SIL1: variants seen among roughly 807,000 people sequenced by gnomAD.
SIL1 encodes SIL1 nucleotide exchange factor.
SIL1 carries 40 observed loss-of-function variants against 49.1 expected under a neutral mutation model. The ratio of observed to expected loss-of-function variants is 0.81; its 90% confidence interval spans 0.63 to 1.06. The LOEUF is 1.06. Among genes scored for constraint, SIL1 ranks in the 50% least tolerant of loss-of-function variants. The probability of loss-of-function intolerance (pLI) is 0.00; values close to 1 mark genes in which losing one functional copy is unlikely to be tolerated. For missense variants in SIL1, 500 were observed against 572.6 expected (o/e 0.87, Z 1.29); for synonymous variants, 253 against 250.8 (o/e 1.01, Z -0.08).
At chr5:139,132,680 T>C (rs1352016575) in intron 1 of SIL1, among the ~76,000 whole-genome samples, 7 of 152,152 alleles carry the variant, frequency 4.6e-5, no homozygotes, top group Admixed American at 4.6e-4. Context: ...AAGTACAAAC[T>C]ACAGCATGCA....
chr5:139,156,061 G>T (rs1259685740), intron 1 of SIL1, among the ~76,000 whole-genome samples: 2 of 152,236 alleles, frequency 1.3e-5, no homozygotes, highest in East Asian at 3.9e-4. Context: ...TTGAACTACT[G>T]CCAGGTCAAA....
At chr5:139,094,986 G>T (rs937192338) in intron 3 of SIL1, among the ~76,000 whole-genome samples, 3 of 151,934 alleles carry the variant, frequency 2.0e-5, no homozygotes, top group Non-Finnish European at 2.9e-5. Flanking sequence ...TGGGGTCGTT[G>T]GTTTTGAGGA....
chr5:138,964,588 C>A (rs147775426), intron 7 of SIL1, among the ~76,000 whole-genome samples: 1 of 152,208 alleles, frequency 6.6e-6, no homozygotes, highest in African/African-American at 2.4e-5. Context: ...CATTAAAAGG[C>A]CTTCTGCTGG....
intron 1 of SIL1, chr5:139,131,599 C>G (rs1490450225): frequency 6.6e-6 from 1 of 152,096 alleles, no homozygotes; most frequent in African/African-American, 2.4e-5. Context: ...TCTGCCAGCT[C>G]CCCCCCTCTT....
At chr5:139,022,351 G>A (rs1436090653) in intron 6 of SIL1, 1 of 152,210 alleles carries the variant, frequency 6.6e-6, no homozygotes, top group Non-Finnish European at 1.5e-5. Context: ...GAAATCAAGT[G>A]TGAGGATTGG....
At chr5:139,092,214 T>C (rs920224060) in intron 3 of SIL1, among the ~76,000 whole-genome samples, 2 of 152,176 alleles carry the variant, frequency 1.3e-5, no homozygotes, top group Admixed American at 6.5e-5. Flanking sequence ...CTTCTGTTTC[T>C]TCTACTTTCC....
At chr5:139,169,005 G>A (rs1033889570) in intron 1 of SIL1, among the ~76,000 whole-genome samples, 8 of 151,736 alleles carry the variant, frequency 5.3e-5, no homozygotes. Flanking sequence ...ACATAAGCCT[G>A]TCCAGTCATG....
intron 3 of SIL1, among the ~76,000 whole-genome samples, chr5:139,072,164 T>C (rs1392333096): frequency 6.6e-6 from 1 of 152,168 alleles, no homozygotes; most frequent in Non-Finnish European, 1.5e-5. Flanking sequence ...TTGGTATCTT[T>C]TATTATAGGA....
At chr5:139,119,828 C>G (rs369330072) in intron 3 of SIL1, among the ~76,000 whole-genome samples, 49 of 152,336 alleles carry the variant, frequency 3.2e-4, no homozygotes, top group African/African-American at 1.2e-3. Flanking sequence ...GTATCTTCCA[C>G]GCCCTACCCC....
chr5:139,113,631 T>C (rs1014436264), intron 3 of SIL1, among the ~76,000 whole-genome samples: 9 of 152,322 alleles, frequency 5.9e-5, no homozygotes, highest in Admixed American at 2.0e-4. Flanking sequence ...AAACTAAGAA[T>C]GCAACAGGTT....
intron 3 of SIL1, among the ~76,000 whole-genome samples, chr5:139,098,809 C>CTTTTTTTTTTTTTT (rs59863544): frequency 6.7e-5 from 6 of 89,048 alleles, no homozygotes; most frequent in African/African-American, 8.2e-5. Flanking sequence ...TTTTCTTACT[C>CTTTTTTTTTTTTTT]TTTTTTTTTT....
intron 3 of SIL1, among the ~76,000 whole-genome samples, chr5:139,057,932 T>C (rs1769491840): frequency 6.6e-6 from 1 of 152,124 alleles, no homozygotes; most frequent in African/African-American, 2.4e-5. Context: ...ACTAATCCTA[T>C]TCATGAGGCG....
At chr5:139,108,287 T>C (rs1309531628) in intron 3 of SIL1, 1 of 152,090 alleles carries the variant, frequency 6.6e-6, no homozygotes, top group Non-Finnish European at 1.5e-5. Flanking sequence ...GAGGGAAAAA[T>C]AGATGAGCAT....
chr5:139,192,513 A>G (rs1255968087), intron 1 of SIL1, among the ~76,000 whole-genome samples: 1 of 152,010 alleles, frequency 6.6e-6, no homozygotes, highest in Non-Finnish European at 1.5e-5. Context: ...TTCTCTGTAG[A>G]TGTGAAATGT....
At chr5:139,094,331 T>C (rs1217358830) in intron 3 of SIL1, among the ~76,000 whole-genome samples, 1 of 152,228 alleles carries the variant, frequency 6.6e-6, no homozygotes, top group Non-Finnish European at 1.5e-5. Context: ...ATACCTGTTA[T>C]GAGCCAAGCA....
chr5:139,148,363 G>A (rs901927049), intron 1 of SIL1, among the ~76,000 whole-genome samples: 1 of 152,166 alleles, frequency 6.6e-6, no homozygotes, highest in Non-Finnish European at 1.5e-5. Context: ...GCTGGAACTT[G>A]CAAAGGGACT....
At chr5:139,097,320 T>C (rs1194742397) in intron 3 of SIL1, among the ~76,000 whole-genome samples, 1 of 152,010 alleles carries the variant, frequency 6.6e-6, no homozygotes, top group East Asian at 1.9e-4. Context: ...CTGGCTTTGC[T>C]ACCTGCTCAT....
chr5:138,958,516 C>T (rs371838613), intron 7 of SIL1, among the ~76,000 whole-genome samples: 24 of 152,236 alleles, frequency 1.6e-4, no homozygotes, highest in African/African-American at 5.5e-4. Flanking sequence ...TTCATGTAGT[C>T]GTTTTGGCAA....
At chr5:139,127,887 T>A in intron 1 of SIL1, 34 bp from the exon 2 acceptor site, 1 of 1,373,526 alleles carries the variant, frequency 7.3e-7, no homozygotes, top group East Asian at 2.4e-5. Context: ...AGAAGGTCAA[T>A]GAAAAGCTAA....
Sources: allele counts gnomAD v4.1 joint callset (sites outside exome capture counted in the v4.1 genomes callset), GRCh38; gene constraint gnomAD v4.1.1; transcripts MANE v1.5; gene names NCBI Gene and HGNC (gene_info 2026-07-23, HGNC 2026-07-21).